NCKAP5: variants seen among roughly 807,000 people sequenced by gnomAD.
The protein encoded by NCKAP5 is NCK associated protein 5.
Under a neutral mutation model 167.0 loss-of-function variants are expected in NCKAP5, and 92 were observed. The ratio of observed to expected loss-of-function variants is 0.55; its 90% CI spans 0.47 to 0.66. The LOEUF is 0.66. NCKAP5 is among the 30% of genes least tolerant of loss of function. The pLI is 0.00. For missense variants in NCKAP5, 2,378 were observed against 2,315.0 expected (o/e 1.03, Z -0.56); for synonymous variants, 891 against 877.4 (o/e 1.02, Z -0.27).
At chr2:132,808,259 G>C (rs1395936923) in intron 11 of NCKAP5, among the ~76,000 whole-genome samples, 1 of 152,098 alleles carries the variant, frequency 6.6e-6, no homozygotes, top group African/African-American at 2.4e-5. Context: ...GTATTAGGGT[G>C]ATGCTGGCTT....
At chr2:133,644,924 A>C in the NCKAP5 span, among the ~76,000 whole-genome samples, 4 of 152,328 alleles carry the variant, frequency 2.6e-5, no homozygotes, top group South Asian at 6.2e-4. Flanking sequence ...ATTATTTCAA[A>C]TGAGATCACA....
At chr2:133,414,333 C>T (rs530500315) in intron 3 of NCKAP5, among the ~76,000 whole-genome samples, 1 of 152,264 alleles carries the variant, frequency 6.6e-6, no homozygotes, top group East Asian at 1.9e-4. Context: ...TCTGTCTTTT[C>T]GTTTTCTGAG....
chr2:133,460,863 A>C (rs1692159264), intron 3 of NCKAP5, among the ~76,000 whole-genome samples: 1 of 152,204 alleles, frequency 6.6e-6, no homozygotes, highest in African/African-American at 2.4e-5. Context: ...AAAATTTCAT[A>C]GGTAAGCCAA....
intron 6 of NCKAP5, among the ~76,000 whole-genome samples, chr2:133,010,452 G>T (rs1344504346): frequency 6.6e-6 from 1 of 152,090 alleles, no homozygotes; most frequent in Non-Finnish European, 1.5e-5. Flanking sequence ...TATCAACCAG[G>T]CCTCAAGATA....
intron 3 of NCKAP5, among the ~76,000 whole-genome samples, chr2:133,422,921 C>A (rs1433933370): frequency 6.6e-6 from 1 of 152,012 alleles, no homozygotes; most frequent in Non-Finnish European, 1.5e-5. Context: ...AACAAAGACC[C>A]CCATTTATGT....
chr2:132,858,972 T>G (rs550975955), intron 11 of NCKAP5, among the ~76,000 whole-genome samples: 29 of 152,280 alleles, frequency 1.9e-4, no homozygotes, highest in African/African-American at 5.5e-4. Context: ...ATCAGGAACA[T>G]GCAACAGCTT....
rs149332743 is a variant in NCKAP5, at chr2:133,377,117, C to T, written c.70-74007G>A. ...GTCTTGTCTGGTTTTTCTGAGTCAT[C>T]ACATTTTTTTCCTATACACTGGACT... On this transcript the variant is annotated intron_variant, in intron 3 of 19. Transcript: ENST00000409261. Among the ~76,000 whole-genome samples the T allele has an allele frequency of 2.8e-3, 432 of 152,254 alleles. 2 individuals carry two copies. Among genetic ancestry groups the T allele is most frequent in the African/African-American group, 1.0e-2 (415 of 41,550 alleles).
the NCKAP5 span, among the ~76,000 whole-genome samples, chr2:133,605,907 C>G: frequency 6.6e-6 from 1 of 152,262 alleles, no homozygotes; most frequent in South Asian, 2.1e-4. Flanking sequence ...CTCTGAGGCT[C>G]TGTGCTTCAA....
intron 6 of NCKAP5, among the ~76,000 whole-genome samples, chr2:133,008,661 A>G (rs561261436): frequency 4.6e-5 from 7 of 152,324 alleles, no homozygotes; most frequent in African/African-American, 1.4e-4. Flanking sequence ...AGACACCTCA[A>G]CAAGTAGCAT....
intron 11 of NCKAP5, among the ~76,000 whole-genome samples, chr2:132,798,056 T>C (rs1286172400): frequency 2.6e-5 from 4 of 152,256 alleles, no homozygotes; most frequent in Non-Finnish European, 5.9e-5. Context: ...GGAAGTCCTT[T>C]CACAAAAAAG....
intron 3 of NCKAP5, among the ~76,000 whole-genome samples, chr2:133,473,063 A>G (rs909878159): frequency 6.6e-6 from 1 of 152,078 alleles, no homozygotes; most frequent in Admixed American, 6.6e-5. Context: ...GCCGGGCGCG[A>G]TGGCTCACAC....
At chr2:133,601,745 T>TA in the NCKAP5 span, among the ~76,000 whole-genome samples, 1 of 151,854 alleles carries the variant, frequency 6.6e-6, no homozygotes, top group Non-Finnish European at 1.5e-5. Context: ...AATAAATAAA[T>TA]AATAAATAAA....
intron 10 of NCKAP5, among the ~76,000 whole-genome samples, chr2:132,861,110 G>A (rs958501614): frequency 3.3e-5 from 5 of 152,034 alleles, no homozygotes; most frequent in African/African-American, 4.8e-5. Flanking sequence ...TGCATTTAGC[G>A]GGAGAGAAAT....
chr2:133,245,761 C>T (rs2087946690), intron 4 of NCKAP5, among the ~76,000 whole-genome samples: 1 of 152,038 alleles, frequency 6.6e-6, no homozygotes, highest in African/African-American at 2.4e-5. Context: ...TCAATCAGCA[C>T]ATATTCAGCA....
At chr2:133,189,445 T>G in intron 5 of NCKAP5, among the ~76,000 whole-genome samples, 1 of 151,870 alleles carries the variant, frequency 6.6e-6, no homozygotes, top group East Asian at 1.9e-4. Context: ...GAGGCCAGCA[T>G]CATCCTGACA....
chr2:133,580,282 A>C, the NCKAP5 span, among the ~76,000 whole-genome samples: 1 of 152,162 alleles, frequency 6.6e-6, no homozygotes, highest in Non-Finnish European at 1.5e-5. Context: ...GAGATAAATA[A>C]ATTTTTTAAA....
intron 5 of NCKAP5, among the ~76,000 whole-genome samples, chr2:133,144,578 C>T (rs927932244): frequency 6.6e-6 from 1 of 151,888 alleles, no homozygotes; most frequent in Non-Finnish European, 1.5e-5. Context: ...TAGCTACTGT[C>T]GAAAATGAAA....
At chr2:133,319,446 C>A (rs892174152) in intron 3 of NCKAP5, among the ~76,000 whole-genome samples, 1 of 151,988 alleles carries the variant, frequency 6.6e-6, no homozygotes, top group South Asian at 2.1e-4. Flanking sequence ...TGCAGGTGCA[C>A]CCGGGATGTT....
At chr2:133,622,290 T>TC in the NCKAP5 span, among the ~76,000 whole-genome samples, 20,825 of 151,814 alleles carry the variant, frequency 0.14, 1,951 homozygotes, top group African/African-American at 0.27. Flanking sequence ...GCCAGAGCAA[T>TC]CAGACAAGAG....
Sources: allele counts gnomAD v4.1 joint callset (sites outside exome capture counted in the v4.1 genomes callset), GRCh38; gene constraint gnomAD v4.1.1; transcripts MANE v1.5; gene names NCBI Gene and HGNC (gene_info 2026-07-23, HGNC 2026-07-21).